AGTRAP: variants seen among roughly 807,000 people sequenced by gnomAD.
AGTRAP encodes type-1 angiotensin II receptor-associated protein.
In AGTRAP, 7 loss-of-function variants were observed where a neutral mutation model predicts 15.2. The observed-to-expected ratio is 0.46, with a 90% CI of 0.26 to 0.87. The LOEUF (loss-of-function observed/expected upper bound fraction) is 0.87. AGTRAP is among the 40% of genes least tolerant of loss of function. The pLI is 0.15. For synonymous variants in AGTRAP, 74 were observed against 89.6 expected (o/e 0.83, Z 0.98); for missense variants, 187 against 213.4 (o/e 0.88, Z 0.77).
chr1:11,750,140 C>T lies in AGTRAP; in HGVS notation c.428C>T (p.Ala143Val), dbSNP rs17875960. ...YQTIDSAEAP[A>V]DPFAVPEGRS... The stretch of plus-strand genomic sequence containing the variant: ...ACGATTGACTCAGCAGAGGCGCCCG[C>T]AGATCCCTTTGCAGTCCCAGAGGGC... The change falls in exon 5 of 5, where the codon GCA becomes GTA. Residue 143 changes from alanine (A) to valine (V), a missense_variant. Coordinates refer to ENST00000314340, the MANE Select transcript of AGTRAP (RefSeq NM_020350.5). 91 of 1,613,976 alleles carry T rather than the reference C, an allele frequency of 5.6e-5. No individual in the cohort carries two copies. The African/African-American group carries it at 1.1e-3, about 19-fold the overall frequency.
In AGTRAP at chr1:11,748,456, GCA is replaced by G; in HGVS notation, c.213_214del (p.Ile72GlnfsTer44). The G allele has an allele frequency of 1.2e-6, 2 of 1,613,894 alleles. No homozygotes were observed. The highest frequency in any genetic ancestry group is 1.7e-6 in the Non-Finnish European group (2 of 1,180,012). On this transcript the variant is annotated frameshift_variant, in exon 4 of 5. Coordinates refer to ENST00000314340, the MANE Select transcript of AGTRAP (RefSeq NM_020350.5). LOFTEE classifies it high-confidence loss of function. Reference sequence around the variant, plus strand: ...TGGCCACCATCTTCCTGGACATCGTGCACATCAGCATCTTCTACCCGCGGGTC... The same window carrying G: ...TGGCCACCATCTTCCTGGACATCGTGCATCAGCATCTTCTACCCGCGGGTC... Reference protein sequence around the residue: ...LLATIFLDIVHISIFYPRVSL... With the variant: ...LLATIFLDIVXISIFYPRVSL...
At position 11,750,315 on chromosome 1, in the gene AGTRAP, G is replaced by A. The variant is rs974345670; in HGVS notation, c.*123G>A. 4 of 926,588 alleles carry A rather than the reference G, an allele frequency of 4.3e-6. No homozygotes were observed. The highest frequency in any genetic ancestry group is 5.1e-6 in the Non-Finnish European group (3 of 591,306). 57.4% of individuals were successfully genotyped at this position (926,588 alleles called of 1,614,324 possible). On this transcript the variant is annotated 3_prime_UTR_variant, in exon 5 of 5. Transcript: ENST00000314340. ...GGAATGTGTCCCCAGCTCAGGGATTGCCTGAACCAAGAGGCCAGGAGCCCC... is the reference window on the plus strand; with the variant it reads ...GGAATGTGTCCCCAGCTCAGGGATTACCTGAACCAAGAGGCCAGGAGCCCC...
At chr1:11,740,003 T>G (rs541545475) in intron 1 of AGTRAP, among the ~76,000 whole-genome samples, 1 of 152,214 alleles carries the variant, frequency 6.6e-6, no homozygotes, top group Admixed American at 6.5e-5. Flanking sequence ...CATTGACCCC[T>G]GTCTGGGAAA....
chr1:11,746,348 T>C, intron 2 of AGTRAP: 1 of 851,856 alleles, frequency 1.2e-6, no homozygotes, highest in Non-Finnish European at 1.8e-6. Flanking sequence ...CCCAGGCACC[T>C]GCTTTCTTAA....
rs1468599960 is a variant in AGTRAP, at chr1:11,746,296, C to T, written c.62+459C>T. The T allele has an allele frequency of 1.2e-5, 16 of 1,295,152 alleles. No homozygotes were observed. The Admixed American group carries it at 2.7e-4, about 22-fold the overall frequency. 80.2% of individuals were successfully genotyped at this position (1,295,152 alleles called of 1,614,324 possible). A position where few individuals can be genotyped will look rare whatever the true frequency, so the allele number is the denominator to read the frequency against. ...AGGGCCAAAATACAGATTTCTTAGT[C>T]ACACTTCCCCAAGATTCTGAGTTGG... is the stretch of plus-strand genomic sequence containing the variant. On this transcript the variant is annotated intron_variant, in intron 2 of 4. Coordinates refer to ENST00000314340, the MANE Select transcript of AGTRAP (RefSeq NM_020350.5).
chr1:11,744,543 CCA>C, intron 1 of AGTRAP: 1 of 716,706 alleles, frequency 1.4e-6, no homozygotes, highest in African/African-American at 1.7e-5. Context: ...TGCGCCAGCT[CCA>C]GTGTCCCAAG....
intron 1 of AGTRAP, among the ~76,000 whole-genome samples, chr1:11,736,483 C>T (rs889507412): frequency 1.3e-5 from 2 of 152,214 alleles, no homozygotes; most frequent in African/African-American, 4.8e-5. Context: ...GGGCCGCCCC[C>T]TCCCGGACTC....
In AGTRAP at chr1:11,736,166, G is replaced by T. The variant is rs985184297; in HGVS notation, c.-43G>T. The T allele has an allele frequency of 2.5e-6, 4 of 1,584,696 alleles. No individual in the cohort carries two copies. The highest frequency in any genetic ancestry group is 1.8e-5 in the Admixed American group (1 of 54,666). ...TGTTCCCCGAGTTCGGAGCCTAGGA[G>T]CCCCCCGCGGCTGCGGCGCAGGTGC... On this transcript the variant is annotated 5_prime_UTR_variant, in exon 1 of 5. Transcript: ENST00000314340.
intron 1 of AGTRAP, among the ~76,000 whole-genome samples, chr1:11,741,086 C>T (rs1291107840): frequency 6.6e-6 from 1 of 152,012 alleles, no homozygotes; most frequent in Non-Finnish European, 1.5e-5. Flanking sequence ...CCTCCACTCC[C>T]CTCACCTTCC....
chr1:11,745,582 G>A lies in AGTRAP; in HGVS notation c.28-221G>A, dbSNP rs1041676308. Among the ~76,000 whole-genome samples, 1 of 152,188 alleles carries A rather than the reference G, an allele frequency of 6.6e-6. No individual in the cohort carries two copies. Among genetic ancestry groups the A allele is most frequent in the African/African-American group, 2.4e-5 (1 of 41,436 alleles). ...GGGTGTCAGCTGCCCCATGGGAGGG[G>A]TGAAGGCATGAAGCGGCCCCTCCCT... On this transcript the variant is annotated intron_variant, in intron 1 of 4. Transcript: ENST00000314340. The surrounding 1 kb of genome is among the most constrained non-coding windows in gnomAD (Gnocchi z 4.2).
At position 11,750,127 on chromosome 1, in the gene AGTRAP, G is replaced by A; in HGVS notation, c.415G>A (p.Ala139Thr). ...DRSAYQTIDS[A>T]EAPADPFAVP... ...TAGTGCCTACCAGACGATTGACTCA[G>A]CAGAGGCGCCCGCAGATCCCTTTGC... Residue 139 changes from alanine to threonine, a missense_variant, in exon 5 of 5, where the codon GCA becomes ACA. Coordinates refer to ENST00000314340, the MANE Select transcript of AGTRAP (RefSeq NM_020350.5). 6.2e-7 allele frequency: 1 copy of A among 1,614,098 alleles called. No individual in the cohort carries two copies.
At chr1:11,736,526 A>G (rs555755483) in intron 1 of AGTRAP, among the ~76,000 whole-genome samples, 28 of 152,262 alleles carry the variant, frequency 1.8e-4, no homozygotes, top group African/African-American at 6.5e-4. Flanking sequence ...CGGTCCCAGC[A>G]TTGCTGTTGC....
Position 11,736,935 on chromosome 1 carries a change from G to A in AGTRAP, c.27+700G>A, listed in dbSNP as rs370179381. 5.9e-5 allele frequency among the ~76,000 whole-genome samples: 9 copies of A among 152,298 alleles called. No individual in the cohort carries two copies. In the East Asian group the frequency reaches 1.7e-3, roughly 29 times the overall value. On this transcript the variant is annotated intron_variant, in intron 1 of 4. Transcript: ENST00000314340. ...GCCCAGCCCCGCCGCCCACGTGTCT[G>A]GGCTCCATTTGCATTAGAGGGGCTA...
chr1:11,736,155 G>C lies in AGTRAP; in HGVS notation c.-54G>C, dbSNP rs1428035445. 1 of 1,573,782 alleles carries C rather than the reference G, an allele frequency of 6.4e-7. No homozygotes were observed. Among genetic ancestry groups the C allele is most frequent in the Non-Finnish European group, 8.6e-7 (1 of 1,160,170 alleles). The stretch of plus-strand genomic sequence containing the variant: ...CCGGGCAAGTTTGTTCCCCGAGTTC[G>C]GAGCCTAGGAGCCCCCCGCGGCTGC... On this transcript the variant is annotated 5_prime_UTR_variant, in exon 1 of 5. Coordinates refer to ENST00000314340, the MANE Select transcript of AGTRAP (RefSeq NM_020350.5).
At position 11,736,152 on chromosome 1, in the gene AGTRAP, T is replaced by C. The variant is rs1570333038; in HGVS notation, c.-57T>C. The C allele has an allele frequency of 6.4e-7, 1 of 1,570,142 alleles. No homozygotes were observed. Among genetic ancestry groups the C allele is most frequent in the Non-Finnish European group, 8.6e-7 (1 of 1,157,930 alleles). ...GGGCCGGGCAAGTTTGTTCCCCGAG[T>C]TCGGAGCCTAGGAGCCCCCCGCGGC... On this transcript the variant is annotated 5_prime_UTR_variant, in exon 1 of 5. Coordinates refer to ENST00000314340, the MANE Select transcript of AGTRAP (RefSeq NM_020350.5).
intron 4 of AGTRAP, among the ~76,000 whole-genome samples, chr1:11,749,291 T>C (rs1057418632): frequency 6.6e-6 from 1 of 152,204 alleles, no homozygotes; most frequent in Non-Finnish European, 1.5e-5. Context: ...AGGGAGGTGG[T>C]AGGGTGTGGC....
intron 1 of AGTRAP, chr1:11,744,577 C>T (rs1642115111): frequency 1.4e-6 from 1 of 715,950 alleles, no homozygotes; most frequent in East Asian, 2.7e-5. Flanking sequence ...ACGTGAGTCC[C>T]CACCGCTCCG....
intron 1 of AGTRAP, among the ~76,000 whole-genome samples, chr1:11,743,583 T>TTTTTTG (rs1642087932): frequency 6.7e-6 from 1 of 150,278 alleles, no homozygotes; most frequent in Non-Finnish European, 1.5e-5. Flanking sequence ...TTTTTTTTTT[T>TTTTTTG]GAGGCGGAGG....
At chr1:11,743,755 G>A (rs756267554) in intron 1 of AGTRAP, among the ~76,000 whole-genome samples, 6 of 151,390 alleles carry the variant, frequency 4.0e-5, no homozygotes, top group African/African-American at 1.2e-4. Flanking sequence ...TAGTAGAAAC[G>A]GGGTTTCTCC....
Sources: gnomAD v4.1 joint callset for allele counts (sites outside exome capture counted in the v4.1 genomes callset) on GRCh38, gnomAD v4.1.1 for gene constraint, Gnocchi (gnomAD v3.1) non-coding constraint, MANE v1.5 for transcripts, NCBI Gene and HGNC (gene_info 2026-07-23, HGNC 2026-07-21) for gene names.